The following RAB38 variants were observed in gnomAD, a reference collection of about 807,000 sequenced individuals.
RAB38 encodes ras-related protein Rab-38.
RAB38 carries 15 observed loss-of-function variants against 18.4 expected under a neutral mutation model. The ratio of observed to expected loss-of-function variants is 0.82; its 90% confidence interval spans 0.55 to 1.26. The LOEUF is 1.26. RAB38 is among the 50% of genes most tolerant of loss of function. The probability of loss-of-function intolerance (pLI) is 0.00; values close to 1 mark genes in which losing one functional copy is unlikely to be tolerated. For missense variants in RAB38, 294 were observed against 267.4 expected (o/e 1.10, Z -0.69); for synonymous variants, 101 against 104.4 (o/e 0.97, Z 0.20).
the RAB38 span, among the ~76,000 whole-genome samples, chr11:87,913,726 C>A: frequency 6.6e-6 from 1 of 152,064 alleles, no homozygotes; most frequent in African/African-American, 2.4e-5. Flanking sequence ...GTGGGACTGA[C>A]GCTTTGAGAG....
chr11:88,051,381 C>T, the RAB38 span, among the ~76,000 whole-genome samples: 1 of 151,658 alleles, frequency 6.6e-6, no homozygotes, highest in Non-Finnish European at 1.5e-5. Context: ...AAATCCTTGA[C>T]AACTGAGTGG....
At chr11:87,874,651 A>T in the RAB38 span, among the ~76,000 whole-genome samples, 1 of 150,004 alleles carries the variant, frequency 6.7e-6, no homozygotes. Flanking sequence ...AGTATAATAA[A>T]ATATATATAT....
At chr11:87,811,116 G>T in the RAB38 span, among the ~76,000 whole-genome samples, 1 of 152,152 alleles carries the variant, frequency 6.6e-6, no homozygotes, top group Non-Finnish European at 1.5e-5. Context: ...TTTCCTGCAT[G>T]TGCAGTGCCC....
chr11:88,015,813 G>C, the RAB38 span, among the ~76,000 whole-genome samples: 1 of 152,084 alleles, frequency 6.6e-6, no homozygotes, highest in Non-Finnish European at 1.5e-5. Context: ...GGGCTTTGGA[G>C]CCTTTGCATG....
At chr11:88,071,362 T>C in the RAB38 span, among the ~76,000 whole-genome samples, 1 of 151,984 alleles carries the variant, frequency 6.6e-6, no homozygotes, top group South Asian at 2.1e-4. Flanking sequence ...AAAACTCTCA[T>C]ATGCACAAGG....
chr11:88,171,417 A>T (rs578072673), intron 1 of RAB38, among the ~76,000 whole-genome samples: 1 of 152,342 alleles, frequency 6.6e-6, no homozygotes, highest in South Asian at 2.1e-4. Flanking sequence ...AAAATTAAAT[A>T]ATCATCATTT....
At chr11:87,865,832 C>T in the RAB38 span, among the ~76,000 whole-genome samples, 1 of 151,824 alleles carries the variant, frequency 6.6e-6, no homozygotes, top group African/African-American at 2.4e-5. Context: ...ACTAGAATTT[C>T]TCTCAGGAGA....
the RAB38 span, among the ~76,000 whole-genome samples, chr11:87,848,068 G>T: frequency 6.6e-6 from 1 of 151,930 alleles, no homozygotes; most frequent in African/African-American, 2.4e-5. Context: ...TTTTTAAAAG[G>T]GTAGCCAATT....
the RAB38 span, among the ~76,000 whole-genome samples, chr11:87,842,845 C>A: frequency 7.4e-6 from 1 of 134,306 alleles, no homozygotes; most frequent in African/African-American, 2.8e-5. Context: ...CACACACACA[C>A]AAATCCCTTT....
the RAB38 span, among the ~76,000 whole-genome samples, chr11:87,966,716 C>T: frequency 5.6e-4 from 85 of 152,236 alleles, no homozygotes; most frequent in African/African-American, 2.0e-3. Flanking sequence ...TCCATTTTTC[C>T]TCCTTTATAT....
At chr11:87,896,378 T>G in the RAB38 span, among the ~76,000 whole-genome samples, 1 of 151,634 alleles carries the variant, frequency 6.6e-6, no homozygotes, top group East Asian at 2.0e-4. Context: ...CCATCCAATT[T>G]GAAATCTGGA....
At chr11:87,829,472 G>A in the RAB38 span, among the ~76,000 whole-genome samples, 1 of 152,220 alleles carries the variant, frequency 6.6e-6, no homozygotes, top group South Asian at 2.1e-4. Flanking sequence ...TGGCAGAAGG[G>A]GAAGAGGCAA....
chr11:88,008,924 G>A, the RAB38 span, among the ~76,000 whole-genome samples: 71 of 152,214 alleles, frequency 4.7e-4, no homozygotes, highest in East Asian at 0.011. Context: ...CGCCCGCCTC[G>A]GCCTCCCAAA....
chr11:88,158,343 C>A lies in RAB38; in HGVS notation c.203-8388G>T, dbSNP rs560505984. Among the ~76,000 whole-genome samples, 18 of 152,140 alleles carry A rather than the reference C, an allele frequency of 1.2e-4. No homozygotes were observed. The South Asian group carries it at 3.7e-3, about 32-fold the overall frequency. On this transcript the variant is annotated intron_variant, in intron 1 of 2. Transcript: ENST00000243662. ...AGATGGATTCACAGCCAAATTCTAC[C>A]AGACATACAAAAAAGACTTGGTATC...
At chr11:87,816,584 C>T in the RAB38 span, 5 of 151,918 alleles carry the variant, frequency 3.3e-5, no homozygotes, top group African/African-American at 1.2e-4. Context: ...CTCTCTCTCT[C>T]CTCATTGTTA....
chr11:87,845,302 A>C, the RAB38 span, among the ~76,000 whole-genome samples: 3 of 152,222 alleles, frequency 2.0e-5, no homozygotes, highest in African/African-American at 7.2e-5. Context: ...ATATTTAATT[A>C]GCTCCTTTAT....
chr11:87,949,609 C>T, the RAB38 span, among the ~76,000 whole-genome samples: 2 of 152,162 alleles, frequency 1.3e-5, no homozygotes, highest in African/African-American at 4.8e-5. Context: ...TCATTGGTTT[C>T]AAAGAACATC....
intron 2 of RAB38, among the ~76,000 whole-genome samples, chr11:88,135,677 C>T (rs1942827099): frequency 6.6e-6 from 1 of 152,202 alleles, no homozygotes; most frequent in African/African-American, 2.4e-5. Context: ...AAACTTATTA[C>T]CAGATGAAAT....
At chr11:87,890,653 T>C in the RAB38 span, among the ~76,000 whole-genome samples, 1 of 151,894 alleles carries the variant, frequency 6.6e-6, no homozygotes, top group Admixed American at 6.6e-5. Context: ...GGCCGGTCTC[T>C]AGCCATAATC....
Sources: allele counts gnomAD v4.1 joint callset (sites outside exome capture counted in the v4.1 genomes callset), GRCh38; gene constraint gnomAD v4.1.1; transcripts MANE v1.5; gene names NCBI Gene and HGNC (gene_info 2026-07-23, HGNC 2026-07-21).